The following CDYL variants were observed in gnomAD, a reference collection of about 807,000 sequenced individuals.
CDYL encodes the protein chromodomain Y like.
A neutral mutation model predicts 47.3 loss-of-function variants in CDYL; 8 were observed. The ratio of observed to expected loss-of-function variants is 0.17; its 90% CI spans 0.10 to 0.31. CDYL has a LOEUF of 0.31. Among genes scored for constraint, CDYL ranks in the 10% least tolerant of loss-of-function variants. CDYL has a pLI of 1.00. For synonymous variants in CDYL, 266 were observed against 265.0 expected (o/e 1.00, Z -0.04); for missense variants, 471 against 701.4 (o/e 0.67, Z 3.71).
intron 6 of CDYL, among the ~76,000 whole-genome samples, chr6:4,953,695 T>G (rs570162402): frequency 6.6e-6 from 1 of 152,318 alleles, no homozygotes; most frequent in African/African-American, 2.4e-5. Context: ...TAAGCCGTTT[T>G]GAAGTTAAGA....
chr6:4,842,072 T>A (rs1317319360), intron 1 of CDYL, among the ~76,000 whole-genome samples: 1 of 143,744 alleles, frequency 7.0e-6, no homozygotes, highest in Non-Finnish European at 1.5e-5. Flanking sequence ...TATTTATTTA[T>A]ATATAATTAT....
At chr6:4,813,258 G>A (rs539433526) in intron 1 of CDYL, among the ~76,000 whole-genome samples, 2 of 152,320 alleles carry the variant, frequency 1.3e-5, no homozygotes, top group East Asian at 1.9e-4. Context: ...CACTGCCGTC[G>A]TCATCTTCGC....
intron 2 of CDYL, among the ~76,000 whole-genome samples, chr6:4,898,939 C>G (rs1242353697): frequency 1.3e-5 from 2 of 152,186 alleles, no homozygotes; most frequent in Non-Finnish European, 2.9e-5. Flanking sequence ...TTGCTTGGAG[C>G]CCTCTCTTGT....
rs576783674 is a variant in CDYL at position 4,725,382 on chromosome 6, C to T, written c.104-9380C>T. ...GGACTGGGCGCCGTGGAGCAGGGGG[C>T]GGCGCTCGTGGGGGAGGCTCCGGCG... is the stretch of plus-strand genomic sequence containing the variant. On this transcript the variant is annotated intron_variant, in intron 2 of 8. Coordinates refer to the CDYL transcript ENST00000328908. Among the ~76,000 whole-genome samples the T allele has an allele frequency of 1.2e-3, 176 of 152,306 alleles. 2 individuals are homozygous for T. The highest frequency in any genetic ancestry group is 3.9e-3 in the African/African-American group (163 of 41,582).
At chr6:4,756,558 A>C (rs932147418) in intron 3 of CDYL, among the ~76,000 whole-genome samples, 3 of 145,912 alleles carry the variant, frequency 2.1e-5, no homozygotes, top group African/African-American at 8.2e-5. Context: ...TAGTAATTGT[A>C]GTAATTAAAA....
chr6:4,913,000 G>A (rs1208208295), intron 2 of CDYL, among the ~76,000 whole-genome samples: 1 of 152,238 alleles, frequency 6.6e-6, no homozygotes, highest in Non-Finnish European at 1.5e-5. Flanking sequence ...ACTGCTCTGA[G>A]GAGAGTGACT....
intron 1 of CDYL, among the ~76,000 whole-genome samples, chr6:4,881,510 A>G (rs1761761543): frequency 6.6e-6 from 1 of 152,196 alleles, no homozygotes; most frequent in African/African-American, 2.4e-5. Flanking sequence ...AAATAAAGGT[A>G]TCAGATGCTT....
chr6:4,914,205 CTT>C (rs11373981), intron 2 of CDYL, among the ~76,000 whole-genome samples: 1 of 137,392 alleles, frequency 7.3e-6, no homozygotes, highest in African/African-American at 2.7e-5. Flanking sequence ...TGAAAGAGTT[CTT>C]TTTTTTTTTT....
At chr6:4,808,823 C>T (rs1759442838) in intron 1 of CDYL, among the ~76,000 whole-genome samples, 2 of 152,174 alleles carry the variant, frequency 1.3e-5, no homozygotes. Flanking sequence ...TTTCTTTTCA[C>T]CTCCTTCAAT....
chr6:4,861,804 CTTG>C (rs1581219386), intron 1 of CDYL, among the ~76,000 whole-genome samples: 1 of 152,126 alleles, frequency 6.6e-6, no homozygotes, highest in East Asian at 1.9e-4. Context: ...TGACTTCCTG[CTTG>C]TTGTTTGTCC....
rs1759804852 is a variant in CDYL at position 4,820,524 on chromosome 6, T to A, written c.24+43717T>A. Among the ~76,000 whole-genome samples, 3 of 152,260 alleles carry A rather than the reference T, an allele frequency of 2.0e-5. No individual in the cohort carries two copies. The South Asian group carries it at 6.2e-4, about 32-fold the overall frequency. On this transcript the variant is annotated intron_variant, in intron 1 of 6. Coordinates refer to ENST00000397588, the MANE Select transcript of CDYL (RefSeq NM_004824.4). ...GCATCGGACCTTTGGGGTCCTGAGG[T>A]TTGGCTCTTGGACCTTCGGGAGGCA...
At chr6:4,925,415 T>TC (rs1230897530) in intron 2 of CDYL, among the ~76,000 whole-genome samples, 13 of 143,858 alleles carry the variant, frequency 9.0e-5, no homozygotes, top group African/African-American at 1.3e-4. Context: ...TTTTCTTTTT[T>TC]TTTTTTTTTT....
At chr6:4,825,624 G>T (rs1449936894) in intron 1 of CDYL, among the ~76,000 whole-genome samples, 1 of 152,046 alleles carries the variant, frequency 6.6e-6, no homozygotes, top group Non-Finnish European at 1.5e-5. Flanking sequence ...TTTTTCTAAT[G>T]CAATATATTA....
chr6:4,947,748 G>A (rs931932255), intron 5 of CDYL, among the ~76,000 whole-genome samples: 2 of 152,166 alleles, frequency 1.3e-5, no homozygotes, highest in Admixed American at 1.3e-4. Flanking sequence ...AGGTGCCAGC[G>A]TCCATGGAAG....
chr6:4,831,260 G>C (rs528085445), intron 1 of CDYL, among the ~76,000 whole-genome samples: 3,400 of 152,206 alleles, frequency 0.022, 132 homozygotes, highest in African/African-American at 0.077. Flanking sequence ...TTTGTATAAG[G>C]TGTAAGGAAG....
chr6:4,831,053 G>A (rs1328230779), intron 1 of CDYL, among the ~76,000 whole-genome samples: 24 of 152,032 alleles, frequency 1.6e-4, no homozygotes, highest in Middle Eastern at 3.4e-3. Context: ...GAATAGTGCC[G>A]CAATAAACAT....
At chr6:4,917,506 A>C (rs1394592375) in intron 2 of CDYL, among the ~76,000 whole-genome samples, 1 of 152,222 alleles carries the variant, frequency 6.6e-6, no homozygotes. Flanking sequence ...CCAAGCATAG[A>C]GCCTCATTAT....
intron 1 of CDYL, among the ~76,000 whole-genome samples, chr6:4,865,943 C>A (rs1381633011): frequency 6.6e-6 from 1 of 152,122 alleles, no homozygotes; most frequent in African/African-American, 2.4e-5. Context: ...ACATAAAGAA[C>A]CTTACCTTTA....
intron 2 of CDYL, among the ~76,000 whole-genome samples, chr6:4,897,908 T>C (rs1424961044): frequency 1.3e-5 from 2 of 150,504 alleles, no homozygotes; most frequent in Non-Finnish European, 3.0e-5. Context: ...ACAAAAAAAA[T>C]TAGCCAGGCG....
Sources: allele counts gnomAD v4.1 joint callset (sites outside exome capture counted in the v4.1 genomes callset), GRCh38; gene constraint gnomAD v4.1.1; transcripts MANE v1.5; gene names NCBI Gene and HGNC (gene_info 2026-07-23, HGNC 2026-07-21).